AQR: variants seen among roughly 807,000 people sequenced by gnomAD.
AQR encodes the protein RNA helicase aquarius.
A neutral mutation model predicts 180.5 loss-of-function variants in AQR; 61 were observed. The observed-to-expected ratio is 0.34, with a 90% CI of 0.28 to 0.42. The LOEUF (loss-of-function observed/expected upper bound fraction) is 0.42. AQR is among the 10% of genes least tolerant of loss of function. The pLI, the probability that AQR is intolerant of heterozygous loss-of-function variation, is 1.00. For missense variants in AQR, 1,281 were observed against 1,798.3 expected, an observed-to-expected ratio of 0.71 and a Z score of 5.20; for synonymous variants, 551 against 588.8, an observed-to-expected ratio of 0.94 and a Z score of 0.93.
intron 34 of AQR, 140 bp from the exon 35 acceptor site, chr15:34,857,246 G>A: frequency 1.4e-6 from 1 of 736,362 alleles, no homozygotes; most frequent in Non-Finnish European, 2.1e-6. Flanking sequence ...TGATGACAAT[G>A]GTCTAGGTTC....
At chr15:34,926,901 T>C (rs1401806402) in intron 13 of AQR, 134 bp downstream of exon 13, 4 of 446,164 alleles carry the variant, frequency 9.0e-6, no homozygotes, top group African/African-American at 2.0e-5. Context: ...GCACTAGTTG[T>C]AGACGTCAAC....
intron 15 of AQR, among the ~76,000 whole-genome samples, chr15:34,916,233 T>C (rs1025994390): frequency 5.9e-5 from 9 of 152,204 alleles, no homozygotes; most frequent in African/African-American, 1.9e-4. Context: ...ATGATTATTA[T>C]TGTGCTCTGA....
In AQR at chr15:34,930,382, A is replaced by G; in HGVS notation, c.901-11T>C. On this transcript the variant is annotated splice_polypyrimidine_tract_variant and intron_variant, in intron 11 of 34. Transcript: ENST00000156471. The stretch of plus-strand genomic sequence containing the variant: ...AAGCATGTCCAAAAGCTGAAGAAAC[A>G]CATTTACATGTATAAATCATATGAA... 3 of 1,416,160 alleles carry G rather than the reference A, an allele frequency of 2.1e-6. No homozygotes were observed. The highest frequency in any genetic ancestry group is 3.0e-6 in the Non-Finnish European group (3 of 1,002,160). The allele number at this position is 1,416,160 out of a possible 1,614,324, so 87.7% of individuals were successfully genotyped here.
chr15:34,857,032 T>C lies in AQR; in HGVS notation c.4218A>G (p.Thr1406=). Residue 1406 remains threonine (T), a synonymous_variant, in exon 35 of 35, where the codon ACA becomes ACG. Transcript: ENST00000156471. The part of the protein sequence containing the change: ...EVQNQETELE[T]EEEAMTVQAD... ...CTTGAACAGTCATGGCCTCTTCTTC[T>C]GTTTCCAATTCTGTTTCTTGATTTT... The C allele has an allele frequency of 6.2e-7, 1 of 1,613,808 alleles. No homozygotes were observed. Among genetic ancestry groups the C allele is most frequent in the Non-Finnish European group, 8.5e-7 (1 of 1,179,836 alleles).
intron 10 of AQR, among the ~76,000 whole-genome samples, chr15:34,933,938 T>A (rs1373125495): frequency 6.6e-6 from 1 of 152,122 alleles, no homozygotes; most frequent in Non-Finnish European, 1.5e-5. Context: ...CTGGGAAATA[T>A]GGTGAAACCC....
At chr15:34,921,387 T>C (rs567241721) in intron 13 of AQR, among the ~76,000 whole-genome samples, 31 of 148,354 alleles carry the variant, frequency 2.1e-4, no homozygotes, top group Non-Finnish European at 4.0e-4. Flanking sequence ...TGAGCCGAGA[T>C]TGCACCACTG....
At chr15:34,893,634 C>T in intron 23 of AQR, 29 bp downstream of exon 23, 3 of 1,558,182 alleles carry the variant, frequency 1.9e-6, no homozygotes, top group Non-Finnish European at 2.6e-6. Flanking sequence ...CACACACACA[C>T]ACACACACAC....
chr15:34,873,743 G>A (rs771772052), intron 30 of AQR, 85 bp downstream of exon 30: 130 of 1,219,012 alleles, frequency 1.1e-4, no homozygotes, highest in Middle Eastern at 5.2e-4. Context: ...TTTTCTCAAC[G>A]GCCAAATGGT....
Position 34,904,326 on chromosome 15 carries a change from C to A in AQR, c.2001+10G>T. 1.3e-6 allele frequency: 2 copies of A among 1,559,140 alleles called. No individual in the cohort carries two copies. Among genetic ancestry groups the A allele is most frequent in the Non-Finnish European group, 8.7e-7 (1 of 1,149,636 alleles). ...GACATAGTACTTTTAGTTACATACC[C>A]CCAAATTACCTTAAAGTTATTTTCC... On this transcript the variant is annotated intron_variant, in intron 19 of 34. Transcript: ENST00000156471.
chr15:34,942,178 A>G (rs1894033535), intron 6 of AQR, 98 bp from the exon 7 acceptor site: 1 of 672,628 alleles, frequency 1.5e-6, no homozygotes, highest in African/African-American at 1.8e-5. Flanking sequence ...TCCTGGAGGG[A>G]AAACATGCCA....
rs1479537144 is a variant in AQR at position 34,942,093 on chromosome 15, T to C, written c.472-13A>G. On this transcript the variant is annotated splice_polypyrimidine_tract_variant and intron_variant, in intron 6 of 34. Coordinates refer to ENST00000156471, the MANE Select transcript of AQR (RefSeq NM_014691.3). ...TCAAGTCTACTTCCTGTTTAGGGCA[T>C]GAAGAAAATAAGTTTATAAACATAC... 10 of 1,605,910 alleles carry C rather than the reference T, an allele frequency of 6.2e-6. No individual in the cohort carries two copies. Among genetic ancestry groups the C allele is most frequent in the South Asian group, 1.1e-5 (1 of 90,378 alleles).
chr15:34,856,792 C>G lies in AQR; in HGVS notation c.4458G>C (p.Ter1486TyrextTer16), dbSNP rs369939720. ...DATSAPEETK* is the reference protein window; with the variant it reads ...DATSAPEETKY Reference sequence around the variant, plus strand: ...CTCCTTTAGAAGGACTACAGTTTGGCTACTTGGTCTCTTCCGGGGCAGATG... The same window carrying G: ...CTCCTTTAGAAGGACTACAGTTTGGGTACTTGGTCTCTTCCGGGGCAGATG... The change falls in exon 35 of 35, where the codon TAG (stop) becomes TAC (tyrosine). Residue 1486 changes from the stop codon to tyrosine, a stop_lost. Coordinates refer to ENST00000156471, the MANE Select transcript of AQR (RefSeq NM_014691.3). 9 of 1,520,622 alleles carry G rather than the reference C, an allele frequency of 5.9e-6. No homozygotes were observed. In the African/African-American group the frequency reaches 1.2e-4, roughly 21 times the overall value. The allele number at this position is 1,520,622 out of a possible 1,614,324, so 94.2% of individuals were successfully genotyped here. A position where few individuals can be genotyped will look rare whatever the true frequency, so the allele number is the denominator to read the frequency against.
At chr15:34,875,861 T>G (rs889475757) in intron 28 of AQR, 74 bp downstream of exon 28, 1 of 1,196,818 alleles carries the variant, frequency 8.4e-7, no homozygotes, top group Non-Finnish European at 1.2e-6. Context: ...ACACCCAAAC[T>G]GTACAACTTT....
At chr15:34,874,959 C>A in intron 28 of AQR, 95 bp from the exon 29 acceptor site, 2 of 1,177,544 alleles carry the variant, frequency 1.7e-6, no homozygotes, top group Admixed American at 5.3e-5. Flanking sequence ...AAACAGCTTC[C>A]TTATCTTACA....
chr15:34,911,502 G>T (rs186710017), intron 16 of AQR, among the ~76,000 whole-genome samples: 175 of 152,184 alleles, frequency 1.1e-3, no homozygotes, highest in Admixed American at 1.8e-3. Flanking sequence ...TGTGAGGTTT[G>T]AATATCTCAT....
rs1326210881 is a variant in AQR, at chr15:34,855,402, G to A, written c.*1390C>T. 6.6e-6 allele frequency: 1 copy of A among 152,224 alleles called. No individual in the cohort carries two copies. Among genetic ancestry groups the A allele is most frequent in the African/African-American group, 2.4e-5 (1 of 41,438 alleles). 9.4% of individuals were successfully genotyped at this position (152,224 alleles called of 1,614,324 possible). ...CTTGGACATGGCCAGGCCCATAGGT[G>A]GATGCACTAGAGGAGACATTCTGGG... is the stretch of plus-strand genomic sequence containing the variant. On this transcript the variant is annotated 3_prime_UTR_variant, in exon 35 of 35. Transcript: ENST00000156471.
In AQR at chr15:34,853,181, T is replaced by C. The variant is rs1892537688; in HGVS notation, c.*3611A>G. ...TTGCTAAATAATTACACAGGCTAAC[T>C]GCCAAGCATTTTTCACAGGAAGCAA... On this transcript the variant is annotated 3_prime_UTR_variant, in exon 35 of 35. Coordinates refer to ENST00000156471, the MANE Select transcript of AQR (RefSeq NM_014691.3). The C allele has an allele frequency of 6.6e-6, 1 of 152,164 alleles. No individual in the cohort carries two copies. The highest frequency in any genetic ancestry group is 1.5e-5 in the Non-Finnish European group (1 of 68,044). 9.4% of individuals were successfully genotyped at this position (152,164 alleles called of 1,614,324 possible). A position where few individuals can be genotyped will look rare whatever the true frequency, so the allele number is the denominator to read the frequency against.
chr15:34,951,248 C>T (rs1894226502), intron 4 of AQR, among the ~76,000 whole-genome samples: 1 of 152,172 alleles, frequency 6.6e-6, no homozygotes, highest in Non-Finnish European at 1.5e-5. Context: ...TAGCAAGAAA[C>T]CATCAATTAC....
chr15:34,882,699 A>G lies in AQR; in HGVS notation c.3028-60T>C, dbSNP rs1892993622. 5.6e-6 allele frequency: 8 copies of G among 1,420,090 alleles called. No homozygotes were observed. In the Middle Eastern group the frequency reaches 5.6e-4, roughly 99 times the overall value. The allele number at this position is 1,420,090 out of a possible 1,614,324, so 88.0% of individuals were successfully genotyped here. A position where few individuals can be genotyped will look rare whatever the true frequency, so the allele number is the denominator to read the frequency against. The stretch of plus-strand genomic sequence containing the variant: ...GGAAAACGGAGTTTTGCACATAACC[A>G]TACAATCCAGTCAGACTTAATTCCT... On this transcript the variant is annotated intron_variant, in intron 26 of 34. Transcript: ENST00000156471.
Sources: gnomAD v4.1 joint callset for allele counts (sites outside exome capture counted in the v4.1 genomes callset) on GRCh38, gnomAD v4.1.1 for gene constraint, MANE v1.5 for transcripts, NCBI Gene and HGNC (gene_info 2026-07-23, HGNC 2026-07-21) for gene names.